SAE1: variants seen among roughly 807,000 people sequenced by gnomAD.
SAE1 encodes SUMO1 activating enzyme subunit 1.
In SAE1, 11 loss-of-function variants were observed where a neutral mutation model predicts 40.6. That is an observed-to-expected ratio of 0.27 (90% CI 0.17 to 0.45). The LOEUF is 0.45. SAE1 is among the 20% of genes least tolerant of loss of function. The pLI is 1.00. For missense variants in SAE1, 373 were observed against 427.3 expected, an observed-to-expected ratio of 0.87 and a Z score of 1.12; for synonymous variants, 155 against 154.3, an observed-to-expected ratio of 1.00 and a Z score of -0.03.
intron 3 of SAE1, among the ~76,000 whole-genome samples, chr19:47,150,793 GCTTGTGTTTTGT>G (rs2058283061): frequency 6.6e-6 from 1 of 152,154 alleles, no homozygotes; most frequent in Admixed American, 6.6e-5. Context: ...TCAAACTACA[GCTTGTGTTTTGT>G]CTTAAGAAAA....
chr19:47,144,942 C>T (rs969715302), intron 2 of SAE1, among the ~76,000 whole-genome samples: 2 of 152,134 alleles, frequency 1.3e-5, no homozygotes, highest in Admixed American at 6.6e-5. Flanking sequence ...AGTGATTCTC[C>T]TGCCTCAGCC....
chr19:47,144,892 C>A (rs1424648271), intron 2 of SAE1, among the ~76,000 whole-genome samples: 1 of 152,158 alleles, frequency 6.6e-6, no homozygotes, highest in Non-Finnish European at 1.5e-5. Flanking sequence ...AGTGCAATGG[C>A]GCAATCTCCG....
At position 47,204,025 on chromosome 19, in the gene SAE1, G is replaced by C. The variant is rs866593053; in HGVS notation, c.948+285G>C. On this transcript the variant is annotated intron_variant, in intron 8 of 8. Transcript: ENST00000270225. ...CTGTATTAGTTATCCAGTGCCTGTT[G>C]TATTGGTCAGGGATTCTGCTTCTCA... Among the ~76,000 whole-genome samples, 4 of 152,032 alleles carry C rather than the reference G, an allele frequency of 2.6e-5. No individual in the cohort carries two copies. In the South Asian group the frequency reaches 8.3e-4, roughly 32 times the overall value.
intron 5 of SAE1, among the ~76,000 whole-genome samples, chr19:47,158,352 A>G (rs555701679): frequency 6.6e-6 from 1 of 152,310 alleles, no homozygotes; most frequent in Admixed American, 6.5e-5. Flanking sequence ...TGCCTAGCCC[A>G]GAAATAGGTG....
At chr19:47,152,481 A>G (rs1455224864) in intron 3 of SAE1, among the ~76,000 whole-genome samples, 5 of 152,236 alleles carry the variant, frequency 3.3e-5, no homozygotes, top group Non-Finnish European at 7.3e-5. Context: ...GTATTTAAAC[A>G]TGACCTTTGG....
intron 5 of SAE1, among the ~76,000 whole-genome samples, chr19:47,159,565 T>TC (rs1049937132): frequency 5.9e-5 from 9 of 151,736 alleles, no homozygotes; most frequent in South Asian, 2.1e-4. Context: ...TTTTTTTTTT[T>TC]CTTTGAAGCA....
chr19:47,173,786 C>CTTTTTTTTTTTTT (rs749843235), intron 6 of SAE1, among the ~76,000 whole-genome samples: 1 of 141,054 alleles, frequency 7.1e-6, no homozygotes, highest in African/African-American at 2.6e-5. Flanking sequence ...TCTTTCTTTT[C>CTTTTTTTTTTTTT]TTTTTTTTTT....
chr19:47,210,522 C>T lies in SAE1; in HGVS notation c.*1271C>T, dbSNP rs1005599773. 5.3e-5 allele frequency: 8 copies of T among 152,220 alleles called. No homozygotes were observed. Among genetic ancestry groups the T allele is most frequent in the African/African-American group, 1.9e-4 (8 of 41,448 alleles). The allele number at this position is 152,220 out of a possible 1,614,324, so 9.4% of individuals were successfully genotyped here. A position where few individuals can be genotyped will look rare whatever the true frequency, so the allele number is the denominator to read the frequency against. On this transcript the variant is annotated 3_prime_UTR_variant, in exon 9 of 9. Transcript: ENST00000270225. ...ACGGGTCAGAGCTTTTATTGGAAGA[C>T]CAGGTTTGCCTTGATGCAGCCAAAG...
chr19:47,189,339 C>T (rs975771110), intron 6 of SAE1, among the ~76,000 whole-genome samples: 2 of 152,020 alleles, frequency 1.3e-5, no homozygotes, highest in South Asian at 2.1e-4. Flanking sequence ...AGGCGGATCA[C>T]GAGGTCAGGA....
rs369669231 is a variant in SAE1, at chr19:47,166,904, C to A, written c.628-2914C>A. Among the ~76,000 whole-genome samples the A allele has an allele frequency of 5.9e-5, 9 of 152,088 alleles. No homozygotes were observed. The East Asian group carries it at 9.6e-4, about 16-fold the overall frequency. On this transcript the variant is annotated intron_variant, in intron 5 of 8. Coordinates refer to ENST00000270225, the MANE Select transcript of SAE1 (RefSeq NM_005500.3). ...ACTATCTTTAACAATGGATTTAACTCCTAAAGGAAAGCCACCTAAACATGA... is the reference window on the plus strand; with the variant it reads ...ACTATCTTTAACAATGGATTTAACTACTAAAGGAAAGCCACCTAAACATGA...
At chr19:47,157,395 T>A (rs947083958) in intron 5 of SAE1, among the ~76,000 whole-genome samples, 4 of 152,206 alleles carry the variant, frequency 2.6e-5, no homozygotes, top group African/African-American at 7.2e-5. Context: ...TTGTGGGTGC[T>A]GTCAGTTTAT....
intron 6 of SAE1, among the ~76,000 whole-genome samples, chr19:47,174,184 C>G (rs569531351): frequency 6.6e-6 from 1 of 152,020 alleles, no homozygotes; most frequent in Non-Finnish European, 1.5e-5. Context: ...GTTTACCACT[C>G]TCTCCCAGAT....
intron 2 of SAE1, among the ~76,000 whole-genome samples, chr19:47,149,946 G>A (rs901361128): frequency 1.3e-5 from 2 of 151,552 alleles, no homozygotes; most frequent in Non-Finnish European, 2.9e-5. Flanking sequence ...GTGGTGGTGC[G>A]TGCTTGTAGT....
chr19:47,139,175 C>G (rs1600147162), intron 1 of SAE1, among the ~76,000 whole-genome samples: 1 of 152,118 alleles, frequency 6.6e-6, no homozygotes, highest in Non-Finnish European at 1.5e-5. Flanking sequence ...TGGTCTCGAA[C>G]TCCTGACCTC....
At chr19:47,136,285 C>G (rs1210607104) in intron 1 of SAE1, among the ~76,000 whole-genome samples, 1 of 149,856 alleles carries the variant, frequency 6.7e-6, no homozygotes, top group African/African-American at 2.5e-5. Flanking sequence ...ATTACAGGCA[C>G]CTGCCACCAC....
chr19:47,142,094 A>G, intron 1 of SAE1, among the ~76,000 whole-genome samples: 1 of 152,078 alleles, frequency 6.6e-6, no homozygotes, highest in Admixed American at 6.6e-5. Flanking sequence ...TTAAAAAGCT[A>G]AAAACAAGGC....
intron 6 of SAE1, among the ~76,000 whole-genome samples, chr19:47,174,987 GCGTGAGGCAC>G (rs983636457): frequency 6.6e-6 from 1 of 152,100 alleles, no homozygotes; most frequent in Non-Finnish European, 1.5e-5. Context: ...GAGATTACAG[GCGTGAGGCAC>G]CGTGCCCGGC....
intron 6 of SAE1, among the ~76,000 whole-genome samples, chr19:47,187,023 G>A (rs993319774): frequency 2.0e-5 from 3 of 152,190 alleles, no homozygotes; most frequent in African/African-American, 7.2e-5. Context: ...GGGGTGGAGG[G>A]GGGGTGCTCA....
intron 5 of SAE1, among the ~76,000 whole-genome samples, chr19:47,157,291 CT>C (rs1442495964): frequency 1.3e-5 from 2 of 152,138 alleles, no homozygotes; most frequent in Non-Finnish European, 2.9e-5. Flanking sequence ...GCCTTTCTTT[CT>C]TTTTGAGGCC....
Sources: gnomAD v4.1 joint callset for allele counts (sites outside exome capture counted in the v4.1 genomes callset) on GRCh38, gnomAD v4.1.1 for gene constraint, MANE v1.5 for transcripts, NCBI Gene and HGNC (gene_info 2026-07-23, HGNC 2026-07-21) for gene names.